The following PXMP2 variants were observed in gnomAD, a reference collection of about 807,000 sequenced individuals.
PXMP2 encodes 22 kDa peroxisomal membrane protein.
Under a neutral mutation model 20.2 loss-of-function variants are expected in PXMP2, and 13 were observed. The observed-to-expected ratio is 0.64, with a 90% CI of 0.42 to 1.02. The LOEUF (loss-of-function observed/expected upper bound fraction) is 1.02, where lower values mean the gene tolerates loss of function less well. Among genes scored for constraint, PXMP2 ranks in the 50% least tolerant of loss-of-function variants. The pLI is 0.00. For synonymous variants in PXMP2, 113 were observed against 111.2 expected, an observed-to-expected ratio of 1.02 and a Z score of -0.10; for missense variants, 284 against 251.8, an observed-to-expected ratio of 1.13 and a Z score of -0.87.
intron 2 of PXMP2, among the ~76,000 whole-genome samples, chr12:132,693,410 T>TAGCC (rs1555232090): frequency 5.2e-5 from 1 of 19,100 alleles, no homozygotes; most frequent in Non-Finnish European, 1.4e-4. Flanking sequence ...TGAGCTCCCT[T>TAGCC]AGTTAGTTAG....
At position 132,695,616 on chromosome 12, in the gene PXMP2, G is replaced by A. The variant is rs1461944318; in HGVS notation, c.237-268G>A. Among the ~76,000 whole-genome samples, 3 of 152,236 alleles carry A rather than the reference G, an allele frequency of 2.0e-5. No homozygotes were observed. In the East Asian group the frequency reaches 5.8e-4, roughly 29 times the overall value. ...CGTGCACACGTGCTGGGACGACCTG[G>A]AAGCTGACAGTGTGAGGAGGAGCGA... On this transcript the variant is annotated intron_variant, in intron 2 of 4. Transcript: ENST00000317479.
Position 132,692,275 on chromosome 12 carries a change from A to T in PXMP2, c.236+1899A>T, listed in dbSNP as rs376200691. Among the ~76,000 whole-genome samples, 67 of 126,514 alleles carry T rather than the reference A, an allele frequency of 5.3e-4. No homozygotes were observed. The East Asian group carries it at 0.013, about 25-fold the overall frequency. The allele number at this position is 126,514 out of a possible 152,430, so 83.0% of individuals were successfully genotyped here. On this transcript the variant is annotated intron_variant, in intron 2 of 4. Coordinates refer to ENST00000317479, the MANE Select transcript of PXMP2 (RefSeq NM_018663.3). ...AGCCAGTTAGTTAGTGAGCTCCCTT[A>T]GCCAGTTAGTTAGTGAGCTCCCTTG...
At chr12:132,697,998 C>T (rs1004771356) in intron 3 of PXMP2, among the ~76,000 whole-genome samples, 1 of 151,074 alleles carries the variant, frequency 6.6e-6, no homozygotes, top group Non-Finnish European at 1.5e-5. Context: ...TGCTGTGTGT[C>T]TGAGACGTGT....
Position 132,687,811 on chromosome 12 carries a change from A to G in PXMP2, c.122+19A>G. ...CCACCAGGTGAGCGGGGGCGCGGGA[A>G]TCGGACGCCGCCCCGGCCCCAGGTC... On this transcript the variant is annotated intron_variant, in intron 1 of 4. Coordinates refer to ENST00000317479, the MANE Select transcript of PXMP2 (RefSeq NM_018663.3). 8.9e-7 allele frequency: 1 copy of G among 1,122,308 alleles called. No homozygotes were observed. The highest frequency in any genetic ancestry group is 5.0e-5 in the Admixed American group (1 of 20,072). The allele number at this position is 1,122,308 out of a possible 1,614,324, so 69.5% of individuals were successfully genotyped here. A position where few individuals can be genotyped will look rare whatever the true frequency, so the allele number is the denominator to read the frequency against.
intron 1 of PXMP2, among the ~76,000 whole-genome samples, chr12:132,690,023 T>C (rs1440481295): frequency 6.6e-6 from 1 of 152,242 alleles, no homozygotes. Context: ...AATTATAGTA[T>C]AACATCACAG....
chr12:132,695,521 C>T (rs910442478), intron 2 of PXMP2, among the ~76,000 whole-genome samples: 2 of 152,214 alleles, frequency 1.3e-5, no homozygotes, highest in East Asian at 3.8e-4. Context: ...GAGGCACAGA[C>T]TAACCTAACA....
In PXMP2 at chr12:132,695,902, G is replaced by T; in HGVS notation, c.255G>T (p.Pro85=). The T allele has an allele frequency of 6.2e-7, 1 of 1,606,552 alleles. No homozygotes were observed. The highest frequency in any genetic ancestry group is 8.5e-7 in the Non-Finnish European group (1 of 1,176,300). The change falls in exon 3 of 5, where the codon CCG becomes CCT. Residue 85 remains proline, a synonymous_variant. Coordinates refer to ENST00000317479, the MANE Select transcript of PXMP2 (RefSeq NM_018663.3). ...YAVYGFFFTG[P]LSHFFYFFME... is the part of the protein sequence containing the mutation. ...GCCTCAGGTTCTTCTTCACAGGGCC[G>T]CTGAGTCACTTCTTCTACTTCTTCA...
Position 132,696,029 on chromosome 12 carries a change from A to G in PXMP2, c.382A>G (p.Ile128Val), listed in dbSNP as rs767845648. ...GGCCTTCCTCATGTTGTTCTTCCTC[A>G]TCATGAACTTTCTGGAGGTGGGTGT... is the stretch of plus-strand genomic sequence containing the variant. ...APAFLMLFFLIMNFLEGKDAS... is the reference protein window; with the variant it reads ...APAFLMLFFLVMNFLEGKDAS... Residue 128 changes from isoleucine (I) to valine (V), a missense_variant, in exon 3 of 5, where the codon ATC (isoleucine) becomes GTC (valine). Physicochemically the swap from Ile to Val is conservative, Grantham distance 29. Coordinates refer to ENST00000317479, the MANE Select transcript of PXMP2 (RefSeq NM_018663.3). The surrounding 1 kb of genome is among the most constrained non-coding windows in gnomAD (Gnocchi z 4.4). The G allele has an allele frequency of 6.2e-7, 1 of 1,607,378 alleles. No individual in the cohort carries two copies. Among genetic ancestry groups the G allele is most frequent in the South Asian group, 1.1e-5 (1 of 88,998 alleles).
At chr12:132,692,679 T>G (rs1285900096) in intron 2 of PXMP2, among the ~76,000 whole-genome samples, 2 of 125,434 alleles carry the variant, frequency 1.6e-5, no homozygotes, top group Non-Finnish European at 3.6e-5. Context: ...AGCCAGTTAG[T>G]TAGTGAGCGC....
chr12:132,694,091 TAGCC>T (rs1565991255), intron 2 of PXMP2, among the ~76,000 whole-genome samples: 12 of 108,366 alleles, frequency 1.1e-4, no homozygotes, highest in African/African-American at 4.5e-4. Context: ...TGAGCGCCCT[TAGCC>T]AGTTAGTGAG....
At chr12:132,689,265 C>G (rs962489383) in intron 1 of PXMP2, among the ~76,000 whole-genome samples, 2 of 150,474 alleles carry the variant, frequency 1.3e-5, no homozygotes, top group Non-Finnish European at 3.0e-5. Flanking sequence ...CGTGTGGAGA[C>G]AGGGCCAAGG....
chr12:132,704,705 T>A lies in PXMP2; in HGVS notation c.*18T>A. On this transcript the variant is annotated 3_prime_UTR_variant, in exon 5 of 5. Coordinates refer to ENST00000317479, the MANE Select transcript of PXMP2 (RefSeq NM_018663.3). ...GGAAGTGACGACCGCTGGGAGAACA[T>A]CAGGTGCACTGTGGACGTGGGTCTG... 6.3e-7 allele frequency: 1 copy of A among 1,585,370 alleles called. No individual in the cohort carries two copies. Among genetic ancestry groups the A allele is most frequent in the Non-Finnish European group, 8.6e-7 (1 of 1,165,012 alleles).
intron 3 of PXMP2, among the ~76,000 whole-genome samples, chr12:132,697,805 A>G (rs1424112541): frequency 1.3e-5 from 2 of 152,144 alleles, no homozygotes; most frequent in Admixed American, 6.6e-5. Flanking sequence ...TGAGACCCCT[A>G]CTGATAACAC....
intron 2 of PXMP2, among the ~76,000 whole-genome samples, chr12:132,692,115 T>G (rs1257667297): frequency 2.0e-4 from 28 of 142,870 alleles, no homozygotes; most frequent in African/African-American, 7.2e-4. Flanking sequence ...TGCCAGTTAG[T>G]TAGTGAGCTC....
At position 132,704,930 on chromosome 12, in the gene PXMP2, A is replaced by C; in HGVS notation, c.*243A>C. On this transcript the variant is annotated 3_prime_UTR_variant, in exon 5 of 5. Coordinates refer to ENST00000317479, the MANE Select transcript of PXMP2 (RefSeq NM_018663.3). ...CTTAAAATTTAGTCGAGGCAGTTTC[A>C]ATTGTTACTGTGGACCGAATTAGGA... 1 of 559,654 alleles carries C rather than the reference A, an allele frequency of 1.8e-6. No homozygotes were observed. The highest frequency in any genetic ancestry group is 3.0e-5 in the East Asian group (1 of 32,998). 34.7% of individuals were successfully genotyped at this position (559,654 alleles called of 1,614,324 possible). A position where few individuals can be genotyped will look rare whatever the true frequency, so the allele number is the denominator to read the frequency against.
chr12:132,702,100 TA>T (rs941809605), intron 4 of PXMP2, among the ~76,000 whole-genome samples: 3 of 152,072 alleles, frequency 2.0e-5, no homozygotes, highest in Non-Finnish European at 4.4e-5. Flanking sequence ...AAAAAATAAA[TA>T]AAATGTTAAA....
chr12:132,694,873 T>TAGTTAGTGAGCGCCCTTGCCAGTC (rs1565991599), intron 2 of PXMP2, among the ~76,000 whole-genome samples: 46 of 143,484 alleles, frequency 3.2e-4, no homozygotes, highest in African/African-American at 1.2e-3. Flanking sequence ...CTTAGCCAGT[T>TAGTTAGTGAGCGCCCTTGCCAGTC]AGTTAGTGAG....
Position 132,690,379 on chromosome 12 carries a change from G to C in PXMP2, c.236+3G>C. The stretch of plus-strand genomic sequence containing the variant: ...CCTCTGAGATATGCCGTTTACGGGT[G>C]AGTGCCATACAAGGGGTGGGTTTAC... On this transcript the variant is annotated splice_donor_region_variant and intron_variant, in intron 2 of 4. Coordinates refer to ENST00000317479, the MANE Select transcript of PXMP2 (RefSeq NM_018663.3). The C allele has an allele frequency of 6.2e-7, 1 of 1,610,258 alleles. No individual in the cohort carries two copies. Among genetic ancestry groups the C allele is most frequent in the Middle Eastern group, 1.7e-4 (1 of 6,048 alleles).
At chr12:132,693,677 G>A (rs75147887) in intron 2 of PXMP2, among the ~76,000 whole-genome samples, 1,075 of 83,260 alleles carry the variant, frequency 0.013, no homozygotes, top group Middle Eastern at 0.056. Context: ...GTTAGTGAGC[G>A]CCCTTGCCAG....
Sources: gnomAD v4.1 joint callset for allele counts (sites outside exome capture counted in the v4.1 genomes callset) on GRCh38, gnomAD v4.1.1 for gene constraint, Gnocchi (gnomAD v3.1) non-coding constraint, MANE v1.5 for transcripts, NCBI Gene and HGNC (gene_info 2026-07-23, HGNC 2026-07-21) for gene names.